Variants in TNS3 observed in about 807,000 individuals in gnomAD.
TNS3 encodes tensin-3.
Under a neutral mutation model 140.9 loss-of-function variants are expected in TNS3, and 45 were observed. That is an observed-to-expected ratio of 0.32 (90% CI 0.25 to 0.41). TNS3 has a LOEUF of 0.41. TNS3 is among the 10% of genes least tolerant of loss of function. The pLI is 1.00. For synonymous variants in TNS3, 815 were observed against 788.4 expected, an observed-to-expected ratio of 1.03 and a Z score of -0.56; for missense variants, 1,716 against 1,906.7, an observed-to-expected ratio of 0.90 and a Z score of 1.86.
At chr7:47,544,459 G>C (rs1301893644) in intron 1 of TNS3, among the ~76,000 whole-genome samples, 1 of 152,156 alleles carries the variant, frequency 6.6e-6, no homozygotes, top group Non-Finnish European at 1.5e-5. Context: ...TAGGTCATGA[G>C]GGGAGACTCT....
intron 17 of TNS3, among the ~76,000 whole-genome samples, chr7:47,355,599 G>T (rs1789948378): frequency 6.6e-6 from 1 of 152,156 alleles, no homozygotes; most frequent in African/African-American, 2.4e-5. Context: ...GCAGGAGAGG[G>T]CTTCTCAGAT....
At chr7:47,471,348 G>C (rs1266894243) in intron 4 of TNS3, among the ~76,000 whole-genome samples, 2 of 152,160 alleles carry the variant, frequency 1.3e-5, no homozygotes, top group Non-Finnish European at 2.9e-5. Flanking sequence ...GGACCATCCT[G>C]GTAACCATCT....
At chr7:47,314,337 A>T (rs1787272672) in intron 20 of TNS3, among the ~76,000 whole-genome samples, 1 of 152,158 alleles carries the variant, frequency 6.6e-6, no homozygotes, top group Admixed American at 6.5e-5. Flanking sequence ...GCTCCTCGAG[A>T]TGTGCCCATG....
At chr7:47,414,524 C>T (rs1197473976) in intron 11 of TNS3, among the ~76,000 whole-genome samples, 1 of 152,144 alleles carries the variant, frequency 6.6e-6, no homozygotes, top group Non-Finnish European at 1.5e-5. Flanking sequence ...GACCCTCGGC[C>T]ATATACTCTG....
chr7:47,533,508 A>G (rs1293205571), intron 1 of TNS3, among the ~76,000 whole-genome samples: 1 of 151,684 alleles, frequency 6.6e-6, no homozygotes, highest in Non-Finnish European at 1.5e-5. Context: ...TGGAGTGGCT[A>G]TATCAGACAA....
chr7:47,540,733 TGAG>T (rs915631667), intron 1 of TNS3, among the ~76,000 whole-genome samples: 1 of 151,816 alleles, frequency 6.6e-6, no homozygotes, highest in African/African-American at 2.4e-5. Flanking sequence ...GGAAAAGAGG[TGAG>T]GAGAGGCAAG....
chr7:47,393,941 C>T (rs1275003964), intron 16 of TNS3, among the ~76,000 whole-genome samples: 1 of 152,068 alleles, frequency 6.6e-6, no homozygotes, highest in Non-Finnish European at 1.5e-5. Flanking sequence ...CTCTACTCGC[C>T]CCTAGACCCA....
chr7:47,454,139 G>T (rs1350026000), intron 4 of TNS3, among the ~76,000 whole-genome samples: 1 of 152,072 alleles, frequency 6.6e-6, no homozygotes, highest in Non-Finnish European at 1.5e-5. Context: ...GTGTTCTGGG[G>T]GCGCCCATTC....
intron 20 of TNS3, among the ~76,000 whole-genome samples, chr7:47,341,110 T>C (rs1444537270): frequency 6.6e-6 from 1 of 152,236 alleles, no homozygotes; most frequent in Non-Finnish European, 1.5e-5. Flanking sequence ...CTACAGTGTG[T>C]CAATCTTTTT....
At chr7:47,579,784 T>C (rs1308896289) in intron 1 of TNS3, 1 of 962,038 alleles carries the variant, frequency 1.0e-6, no homozygotes, top group Non-Finnish European at 1.2e-6. Context: ...TTGTGTAGAG[T>C]CCTAAGCAGA....
Position 47,344,851 on chromosome 7 carries a change from G to T in TNS3, c.2567-13C>A, listed in dbSNP as rs1789235554. On this transcript the variant is annotated splice_polypyrimidine_tract_variant and intron_variant, in intron 19 of 30. Coordinates refer to ENST00000311160, the MANE Select transcript of TNS3 (RefSeq NM_022748.12). The stretch of plus-strand genomic sequence containing the variant: ...AGCGCTGTTTTCACTGGAAAAGAAA[G>T]CAGAGCAAGGGGCTGTTGTCACCCT... 7 of 1,613,948 alleles carry T rather than the reference G, an allele frequency of 4.3e-6. No individual in the cohort carries two copies. In the African/African-American group the frequency reaches 8.0e-5, roughly 18 times the overall value.
chr7:47,530,834 A>ATATATATATAT (rs1554350205), intron 1 of TNS3, among the ~76,000 whole-genome samples: 7 of 30,822 alleles, frequency 2.3e-4, no homozygotes, highest in East Asian at 5.8e-4. Flanking sequence ...AAAAAAAAAA[A>ATATATATATAT]AAAAATATAT....
intron 17 of TNS3, among the ~76,000 whole-genome samples, 164 bp from the exon 18 acceptor site, chr7:47,346,520 AC>A (rs1252397662): frequency 1.3e-5 from 2 of 152,160 alleles, no homozygotes; most frequent in Admixed American, 1.3e-4. Context: ...CTGATGGGAA[AC>A]CCAGGGCATT....
intron 16 of TNS3, among the ~76,000 whole-genome samples, chr7:47,389,481 G>C (rs935386038): frequency 9.2e-5 from 14 of 152,330 alleles, no homozygotes; most frequent in African/African-American, 3.4e-4. Flanking sequence ...CTGCAAACTT[G>C]TACAGGACAA....
intron 1 of TNS3, among the ~76,000 whole-genome samples, chr7:47,540,848 A>T (rs1458399912): frequency 1.3e-5 from 2 of 152,204 alleles, no homozygotes; most frequent in Non-Finnish European, 2.9e-5. Context: ...AGAAGCAAGT[A>T]CAGGGTGGTG....
Position 47,275,182 on chromosome 7 carries a change from T to C in TNS3, c.*2894A>G, listed in dbSNP as rs530208370. 2 of 152,750 alleles carry C rather than the reference T, an allele frequency of 1.3e-5. No homozygotes were observed. Among genetic ancestry groups the C allele is most frequent in the South Asian group, 4.1e-4 (2 of 4,830 alleles). 9.5% of individuals were successfully genotyped at this position (152,750 alleles called of 1,614,324 possible). A position where few individuals can be genotyped will look rare whatever the true frequency, so the allele number is the denominator to read the frequency against. Reference sequence around the variant, plus strand: ...CCAAGTTCATAATTTTATTATACTCTGAATAGAGATGATATTTAAGGAGCA... The same window carrying C: ...CCAAGTTCATAATTTTATTATACTCCGAATAGAGATGATATTTAAGGAGCA... On this transcript the variant is annotated 3_prime_UTR_variant, in exon 31 of 31. Coordinates refer to ENST00000311160, the MANE Select transcript of TNS3 (RefSeq NM_022748.12).
chr7:47,378,560 G>A (rs1791547013), intron 16 of TNS3, among the ~76,000 whole-genome samples: 1 of 152,116 alleles, frequency 6.6e-6, no homozygotes, highest in Admixed American at 6.5e-5. Context: ...TGTTTCCTCG[G>A]TGACTGACAG....
At chr7:47,484,537 A>C (rs925087544) in intron 3 of TNS3, among the ~76,000 whole-genome samples, 1 of 152,230 alleles carries the variant, frequency 6.6e-6, no homozygotes, top group Non-Finnish European at 1.5e-5. Context: ...CTCAGCACCA[A>C]GGAACCTATG....
intron 16 of TNS3, among the ~76,000 whole-genome samples, chr7:47,371,454 G>A (rs1465139106): frequency 6.6e-6 from 1 of 152,148 alleles, no homozygotes; most frequent in Non-Finnish European, 1.5e-5. Flanking sequence ...AGGTGCACTG[G>A]CCCTGAAACC....
Sources: allele counts gnomAD v4.1 joint callset (sites outside exome capture counted in the v4.1 genomes callset), GRCh38; gene constraint gnomAD v4.1.1; transcripts MANE v1.5; gene names NCBI Gene and HGNC (gene_info 2026-07-23, HGNC 2026-07-21).